Variants in C12orf54 observed in about 807,000 individuals in gnomAD.
The protein encoded by C12orf54 is chromosome 12 open reading frame 54, also known as uncharacterized protein C12orf54.
C12orf54 carries 24 observed loss-of-function variants against 26.4 expected under a neutral mutation model. That is an observed-to-expected ratio of 0.91 (90% CI 0.66 to 1.28). The LOEUF is 1.28. Ranked by LOEUF, C12orf54 falls within the 50% of genes most tolerant of loss-of-function variation. The probability of loss-of-function intolerance (pLI) is 0.00; values close to 1 mark genes in which losing one functional copy is unlikely to be tolerated. For synonymous variants in C12orf54, 54 were observed against 47.0 expected (o/e 1.15, Z -0.61); for missense variants, 154 against 150.9 (o/e 1.02, Z -0.11).
chr12:48,449,285 G>T, the C12orf54 span, among the ~76,000 whole-genome samples: 2 of 152,178 alleles, frequency 1.3e-5, no homozygotes, highest in African/African-American at 2.4e-5. Flanking sequence ...TGTTAATAGA[G>T]ATTCTTTACA....
At chr12:48,436,469 C>G in the C12orf54 span, among the ~76,000 whole-genome samples, 3 of 152,126 alleles carry the variant, frequency 2.0e-5, no homozygotes, top group Non-Finnish European at 4.4e-5. Flanking sequence ...TTTTTCAGCA[C>G]CACACCACAC....
At chr12:48,448,031 CAG>C in the C12orf54 span, among the ~76,000 whole-genome samples, 1 of 151,918 alleles carries the variant, frequency 6.6e-6, no homozygotes, top group Non-Finnish European at 1.5e-5. Context: ...GCAAAAAAAA[CAG>C]AGACCTCAGT....
the C12orf54 span, among the ~76,000 whole-genome samples, chr12:48,414,006 A>G: frequency 2.0e-5 from 3 of 152,240 alleles, no homozygotes; most frequent in African/African-American, 7.2e-5. Context: ...CCACTAATTT[A>G]TTCCAAAGGA....
chr12:48,472,101 T>C, the C12orf54 span, among the ~76,000 whole-genome samples: 5 of 152,332 alleles, frequency 3.3e-5, no homozygotes, highest in South Asian at 8.3e-4. Context: ...ATTTTCTTTG[T>C]GGCTATTGTA....
At chr12:48,435,823 A>G in the C12orf54 span, among the ~76,000 whole-genome samples, 8 of 152,332 alleles carry the variant, frequency 5.3e-5, no homozygotes, top group East Asian at 1.9e-4. Context: ...TGTAAACACC[A>G]TCAAGGCTAG....
chr12:48,480,129 A>G (rs186631693), upstream of C12orf54, among the ~76,000 whole-genome samples: 274 of 152,312 alleles, frequency 1.8e-3, 3 homozygotes, highest in African/African-American at 6.3e-3. Flanking sequence ...AAATATCCAA[A>G]CAATCAAGTT....
the C12orf54 span, among the ~76,000 whole-genome samples, chr12:48,475,286 A>C: frequency 3.4e-5 from 5 of 146,816 alleles, no homozygotes; most frequent in African/African-American, 1.2e-4. Context: ...ATAAAACCAC[A>C]AAGATGGGAA....
At chr12:48,413,848 A>T in the C12orf54 span, among the ~76,000 whole-genome samples, 1 of 152,292 alleles carries the variant, frequency 6.6e-6, no homozygotes, top group South Asian at 2.1e-4. Flanking sequence ...ATCTCAAATT[A>T]ATTTCAGCCA....
upstream of C12orf54, among the ~76,000 whole-genome samples, chr12:48,478,335 C>T (rs1359318688): frequency 6.6e-6 from 1 of 152,148 alleles, no homozygotes; most frequent in Non-Finnish European, 1.5e-5. Context: ...TGAAAACAGG[C>T]ACAAGATAGG....
the C12orf54 span, among the ~76,000 whole-genome samples, chr12:48,461,962 A>G: frequency 6.6e-6 from 1 of 151,694 alleles, no homozygotes; most frequent in African/African-American, 2.4e-5. Flanking sequence ...AATAAAACTG[A>G]TAAATCTCTA....
chr12:48,465,462 G>C, the C12orf54 span, among the ~76,000 whole-genome samples: 1 of 152,172 alleles, frequency 6.6e-6, no homozygotes, highest in Non-Finnish European at 1.5e-5. Context: ...TTCACTATTG[G>C]TGGGAGTGTA....
chr12:48,494,706 T>C (rs1466971632), intron 7 of C12orf54, 92 bp from the exon 8 acceptor site: 1 of 1,354,536 alleles, frequency 7.4e-7, no homozygotes, highest in Non-Finnish European at 1.0e-6. Context: ...AGTGTAATAA[T>C]AGAATCTCTA....
the C12orf54 span, among the ~76,000 whole-genome samples, chr12:48,424,050 T>C: frequency 6.6e-6 from 1 of 152,138 alleles, no homozygotes; most frequent in Admixed American, 6.5e-5. Flanking sequence ...TTCTTTTTAA[T>C]TATAAGTGGA....
chr12:48,492,763 G>A lies in C12orf54; in HGVS notation c.194-184G>A. The A allele has an allele frequency of 6.6e-6, 4 of 605,010 alleles. No homozygotes were observed. In the East Asian group the frequency reaches 8.4e-5, roughly 13 times the overall value. 37.5% of individuals were successfully genotyped at this position (605,010 alleles called of 1,614,324 possible). A position where few individuals can be genotyped will look rare whatever the true frequency, so the allele number is the denominator to read the frequency against. ...CCATGATCCGCTCTGCTTCACAGGG[G>A]GCCAGATTTCTGGTGCCACATTCTG... is the stretch of plus-strand genomic sequence containing the variant. On this transcript the variant is annotated intron_variant, in intron 6 of 8. Coordinates refer to ENST00000548364, the MANE Select transcript of C12orf54 (RefSeq NM_152319.4).
upstream of C12orf54, among the ~76,000 whole-genome samples, chr12:48,479,511 A>G (rs902037643): frequency 6.6e-6 from 1 of 151,924 alleles, no homozygotes; most frequent in Non-Finnish European, 1.5e-5. Context: ...TTAAAGTATA[A>G]TAATAATAAA....
the C12orf54 span, among the ~76,000 whole-genome samples, chr12:48,475,027 C>T: frequency 6.6e-6 from 1 of 152,146 alleles, no homozygotes; most frequent in East Asian, 1.9e-4. Context: ...CTCACACAGC[C>T]GGGTACTCCT....
the C12orf54 span, among the ~76,000 whole-genome samples, chr12:48,434,837 T>G: frequency 1.3e-5 from 2 of 151,822 alleles, no homozygotes; most frequent in South Asian, 4.2e-4. Context: ...AAAACAGAAA[T>G]TCTAAAAACC....
At chr12:48,474,791 G>A in the C12orf54 span, among the ~76,000 whole-genome samples, 2 of 152,276 alleles carry the variant, frequency 1.3e-5, no homozygotes, top group Non-Finnish European at 2.9e-5. Flanking sequence ...AAGGAGGCCT[G>A]CCTGCCTCTG....
At chr12:48,455,519 C>G in the C12orf54 span, among the ~76,000 whole-genome samples, 1 of 152,154 alleles carries the variant, frequency 6.6e-6, no homozygotes, top group African/African-American at 2.4e-5. Flanking sequence ...CTCAGAGAAA[C>G]GTCAGCAGAA....
Sources: allele counts gnomAD v4.1 joint callset (sites outside exome capture counted in the v4.1 genomes callset), GRCh38; gene constraint gnomAD v4.1.1; transcripts MANE v1.5; gene names NCBI Gene and HGNC (gene_info 2026-07-23, HGNC 2026-07-21).